The following NOX4 variants were observed in gnomAD, a reference collection of about 807,000 sequenced individuals.
The protein encoded by NOX4 is NADPH oxidase 4.
NOX4 carries 69 observed loss-of-function variants against 87.6 expected under a neutral mutation model. That is an observed-to-expected ratio of 0.79 (90% CI 0.65 to 0.96). The LOEUF (loss-of-function observed/expected upper bound fraction) is 0.96. NOX4 is among the 40% of genes least tolerant of loss of function. The pLI is 0.00. For synonymous variants in NOX4, 275 were observed against 238.2 expected (o/e 1.15, Z -1.42); for missense variants, 680 against 681.5 (o/e 1.00, Z 0.02).
At chr11:89,488,566 A>AT (rs1353280315) in intron 2 of NOX4, among the ~76,000 whole-genome samples, 1 of 152,198 alleles carries the variant, frequency 6.6e-6, no homozygotes, top group African/African-American at 2.4e-5. Context: ...ATAAGATGTT[A>AT]TTTTAGCTTA....
intron 6 of NOX4, among the ~76,000 whole-genome samples, chr11:89,434,501 G>A (rs317147): frequency 0.57 from 87,120 of 151,680 alleles, 27,372 homozygotes; most frequent in African/African-American, 0.83. Context: ...GTAAGAGATG[G>A]GTAAGATAAC....
the NOX4 span, among the ~76,000 whole-genome samples, chr11:89,572,614 A>G: frequency 2.0e-5 from 3 of 152,244 alleles, no homozygotes; most frequent in East Asian, 3.9e-4. Context: ...CAGTGGCACA[A>G]TCTAGGCTCA....
chr11:89,408,471 G>C (rs1194072320), intron 8 of NOX4, among the ~76,000 whole-genome samples: 1 of 152,186 alleles, frequency 6.6e-6, no homozygotes, highest in Non-Finnish European at 1.5e-5. Context: ...CTACTTGCTA[G>C]GTGCATTTAG....
At chr11:89,428,564 C>A (rs1943587533) in intron 7 of NOX4, among the ~76,000 whole-genome samples, 2 of 151,842 alleles carry the variant, frequency 1.3e-5, no homozygotes, top group Non-Finnish European at 2.9e-5. Flanking sequence ...GGGTTGCAAT[C>A]CTAGTCTCTG....
At chr11:89,417,477 C>T (rs75491762) in intron 8 of NOX4, among the ~76,000 whole-genome samples, 13,867 of 152,028 alleles carry the variant, frequency 0.091, 796 homozygotes, top group South Asian at 0.2. Flanking sequence ...ACAAAAAATT[C>T]CTCAGGAGGA....
chr11:89,395,329 T>G (rs1487340500), intron 11 of NOX4, among the ~76,000 whole-genome samples: 1 of 152,196 alleles, frequency 6.6e-6, no homozygotes, highest in East Asian at 1.9e-4. Flanking sequence ...TCATATTCTT[T>G]GCCCACTTTA....
chr11:89,504,644 T>C, the NOX4 span, among the ~76,000 whole-genome samples: 6 of 152,014 alleles, frequency 3.9e-5, no homozygotes, highest in East Asian at 1.9e-4. Context: ...CAACTGCTAG[T>C]CTAAGTTCCA....
chr11:89,448,838 G>A (rs1040693845), intron 4 of NOX4, among the ~76,000 whole-genome samples: 1 of 152,014 alleles, frequency 6.6e-6, no homozygotes, highest in African/African-American at 2.4e-5. Context: ...AGCCAAGATT[G>A]TACCGCTGTA....
At chr11:89,576,896 C>T in the NOX4 span, 2 of 152,022 alleles carry the variant, frequency 1.3e-5, no homozygotes, top group Non-Finnish European at 1.5e-5. Flanking sequence ...AAAACAAATT[C>T]TTTAACTTCA....
the NOX4 span, among the ~76,000 whole-genome samples, chr11:89,568,556 T>C: frequency 6.6e-6 from 1 of 152,138 alleles, no homozygotes; most frequent in East Asian, 1.9e-4. Flanking sequence ...GGAAAAATAA[T>C]CCATGGTCAT....
At chr11:89,533,976 T>A in the NOX4 span, 1 of 152,204 alleles carries the variant, frequency 6.6e-6, no homozygotes, top group East Asian at 1.9e-4. Flanking sequence ...GTCTAATACA[T>A]AAATATGTTG....
At chr11:89,573,985 T>C in the NOX4 span, among the ~76,000 whole-genome samples, 2 of 152,164 alleles carry the variant, frequency 1.3e-5, no homozygotes, top group African/African-American at 4.8e-5. Context: ...TACTCTGATA[T>C]TTTGCCTCTT....
chr11:89,582,878 TG>T, the NOX4 span, among the ~76,000 whole-genome samples: 1 of 152,178 alleles, frequency 6.6e-6, no homozygotes, highest in African/African-American at 2.4e-5. Flanking sequence ...TCCTTCAGAC[TG>T]TCCTTCCCCT....
intron 2 of NOX4, among the ~76,000 whole-genome samples, chr11:89,483,228 A>G (rs144215450): frequency 3.3e-3 from 504 of 152,242 alleles, no homozygotes; most frequent in African/African-American, 0.012. Flanking sequence ...AACAGTTGCT[A>G]TTAGGTTGAG....
chr11:89,528,160 C>T, the NOX4 span, among the ~76,000 whole-genome samples: 1 of 152,188 alleles, frequency 6.6e-6, no homozygotes, highest in African/African-American at 2.4e-5. Flanking sequence ...GGGCCTGTAG[C>T]CACTTCGTTT....
At position 89,421,173 on chromosome 11, in the gene NOX4, G is replaced by T. The variant is rs189647378; in HGVS notation, c.629+729C>A. ...GTATCTTGCCAAACCAAGTAAAACT[G>T]CTGCCAGACTTATTATGTCATGCAG... On this transcript the variant is annotated intron_variant, in intron 8 of 17. Coordinates refer to ENST00000263317, the MANE Select transcript of NOX4 (RefSeq NM_016931.5). 2.4e-4 allele frequency among the ~76,000 whole-genome samples: 37 copies of T among 152,302 alleles called. No individual in the cohort carries two copies. In the East Asian group the frequency reaches 6.9e-3, roughly 29 times the overall value.
chr11:89,423,601 T>C (rs1943207500), intron 7 of NOX4, among the ~76,000 whole-genome samples: 1 of 152,164 alleles, frequency 6.6e-6, no homozygotes, highest in South Asian at 2.1e-4. Flanking sequence ...ATTATTTTAA[T>C]GTTTAGTAAG....
Position 89,490,527 on chromosome 11 carries a change from C to T in NOX4, c.84G>A (p.Leu28=). ...CLFIWLSMNV[L]LFWKTFLLYN... is the part of the protein sequence containing the mutation. ...ACAGCAAGAAGGTTTTCCAGAAAAG[C>T]AGGACATTCATGGAGAGCCAGATGA... Residue 28 remains leucine (L), a synonymous_variant, in exon 2 of 18, where the codon CTG becomes CTA. Transcript: ENST00000263317. 1.9e-6 allele frequency: 3 copies of T among 1,613,994 alleles called. No individual in the cohort carries two copies. The highest frequency in any genetic ancestry group is 1.1e-5 in the South Asian group (1 of 91,078).
intron 12 of NOX4, among the ~76,000 whole-genome samples, chr11:89,361,995 T>C (rs1002231336): frequency 2.6e-5 from 4 of 152,054 alleles, no homozygotes; most frequent in Admixed American, 2.6e-4. Flanking sequence ...CAAGGATATT[T>C]CAGCACTACA....
Sources: gnomAD v4.1 joint callset for allele counts (sites outside exome capture counted in the v4.1 genomes callset) on GRCh38, gnomAD v4.1.1 for gene constraint, MANE v1.5 for transcripts, NCBI Gene and HGNC (gene_info 2026-07-23, HGNC 2026-07-21) for gene names.